The following DHRSX variants were observed in gnomAD, a reference collection of about 807,000 sequenced individuals.
The protein encoded by DHRSX is dehydrogenase/reductase X-linked.
A neutral mutation model predicts 34.0 loss-of-function variants in DHRSX; 31 were observed. The ratio of observed to expected loss-of-function variants is 0.91; its 90% CI spans 0.69 to 1.23. The LOEUF is 1.23. Ranked by LOEUF, DHRSX falls within the 50% of genes most tolerant of loss-of-function variation. The pLI is 0.00. For missense variants in DHRSX, 414 were observed against 428.1 expected (o/e 0.97, Z 0.29); for synonymous variants, 201 against 183.8 (o/e 1.09, Z -0.76).
intron 1 of DHRSX, among the ~76,000 whole-genome samples, chrX:2,473,396 G>A (rs1335311105): frequency 6.6e-6 from 1 of 152,134 alleles, no homozygotes; most frequent in Non-Finnish European, 1.5e-5. Flanking sequence ...GGCCGAGGCG[G>A]ATGGATCACC....
intron 4 of DHRSX, among the ~76,000 whole-genome samples, chrX:2,283,985 C>T (rs1488318169): frequency 4.4e-5 from 2 of 45,012 alleles, no homozygotes; most frequent in Non-Finnish European, 8.8e-5. Flanking sequence ...TTTGAATTCA[C>T]TCATTCCTTT....
At chrX:2,483,353 T>C (rs953118926) in intron 1 of DHRSX, among the ~76,000 whole-genome samples, 2 of 152,104 alleles carry the variant, frequency 1.3e-5, no homozygotes, top group African/African-American at 4.8e-5. Context: ...AGCCTCCAAC[T>C]CCCAAGCTCA....
At chrX:2,419,285 C>T (rs2043740684) in intron 2 of DHRSX, among the ~76,000 whole-genome samples, 1 of 152,092 alleles carries the variant, frequency 6.6e-6, no homozygotes, top group Non-Finnish European at 1.5e-5. Context: ...AGAAAGTGGC[C>T]ATCCACAACC....
chrX:2,255,296 T>C (rs1027044618), intron 5 of DHRSX, among the ~76,000 whole-genome samples: 15 of 152,262 alleles, frequency 9.9e-5, no homozygotes, highest in African/African-American at 3.6e-4. Context: ...CCTGATACTT[T>C]CGCTCATAGA....
chrX:2,434,763 A>G (rs2043973002), intron 1 of DHRSX, among the ~76,000 whole-genome samples: 1 of 152,230 alleles, frequency 6.6e-6, no homozygotes, highest in Non-Finnish European at 1.5e-5. Flanking sequence ...ACTCCCACAC[A>G]TATGCTAAGA....
intron 3 of DHRSX, among the ~76,000 whole-genome samples, chrX:2,331,447 T>G (rs1320735869): frequency 1.2e-4 from 12 of 97,274 alleles, no homozygotes; most frequent in East Asian, 2.3e-4. Flanking sequence ...TTTTTTTTTT[T>G]TTTTTTTTTT....
chrX:2,312,717 A>T (rs180939849), intron 3 of DHRSX, among the ~76,000 whole-genome samples: 25 of 142,286 alleles, frequency 1.8e-4, no homozygotes, highest in African/African-American at 3.9e-4. Context: ...AAGTATAATT[A>T]AAAAAAATAA....
At chrX:2,396,697 C>T (rs1468978811) in intron 3 of DHRSX, among the ~76,000 whole-genome samples, 1 of 151,772 alleles carries the variant, frequency 6.6e-6, no homozygotes, top group Non-Finnish European at 1.5e-5. Flanking sequence ...CTTCCAGCTC[C>T]TGGTATCCCT....
chrX:2,289,652 T>G (rs1282721842), intron 4 of DHRSX, among the ~76,000 whole-genome samples: 4 of 151,806 alleles, frequency 2.6e-5, no homozygotes, highest in Non-Finnish European at 5.9e-5. Flanking sequence ...TCGTGTAGGA[T>G]CTCCACAGTG....
intron 5 of DHRSX, among the ~76,000 whole-genome samples, chrX:2,258,394 T>A (rs900793656): frequency 6.6e-6 from 1 of 151,874 alleles, no homozygotes; most frequent in Non-Finnish European, 1.5e-5. Flanking sequence ...TCCAGGACTG[T>A]GAGAGAATAA....
chrX:2,353,951 G>C (rs1271368430), intron 3 of DHRSX, among the ~76,000 whole-genome samples: 1 of 152,050 alleles, frequency 6.6e-6, no homozygotes, highest in African/African-American at 2.4e-5. Context: ...GAGTACCAGT[G>C]GGATACCAGG....
chrX:2,293,291 G>T (rs1341095433), intron 3 of DHRSX, among the ~76,000 whole-genome samples: 1 of 149,912 alleles, frequency 6.7e-6, no homozygotes, highest in Non-Finnish European at 1.5e-5. Context: ...TGAGGTTTTG[G>T]AGGGAGAGGA....
chrX:2,348,945 C>T (rs946470238), intron 3 of DHRSX, among the ~76,000 whole-genome samples: 2 of 152,060 alleles, frequency 1.3e-5, no homozygotes, highest in African/African-American at 4.8e-5. Context: ...CCGCTTGCCT[C>T]AGCCTCCCAA....
chrX:2,480,359 T>G (rs1390648092), intron 1 of DHRSX, among the ~76,000 whole-genome samples: 1 of 148,822 alleles, frequency 6.7e-6, no homozygotes, highest in South Asian at 2.2e-4. Flanking sequence ...GGAAGAATGC[T>G]TCATGAAGTG....
At chrX:2,306,201 T>G (rs888935110) in intron 3 of DHRSX, among the ~76,000 whole-genome samples, 13 of 152,114 alleles carry the variant, frequency 8.5e-5, no homozygotes, top group Non-Finnish European at 1.9e-4. Flanking sequence ...TGCTCATTCT[T>G]GCAATCAGCA....
At chrX:2,366,396 C>T (rs1289363837) in intron 3 of DHRSX, among the ~76,000 whole-genome samples, 5 of 151,396 alleles carry the variant, frequency 3.3e-5, no homozygotes, top group East Asian at 1.9e-4. Flanking sequence ...GCCGAGACCA[C>T]GCCACTGCAC....
At chrX:2,262,321 C>G (rs1361668036) in intron 5 of DHRSX, among the ~76,000 whole-genome samples, 1 of 152,216 alleles carries the variant, frequency 6.6e-6, no homozygotes, top group East Asian at 1.9e-4. Flanking sequence ...AATGCCCCAG[C>G]CAGCATACAC....
intron 3 of DHRSX, among the ~76,000 whole-genome samples, chrX:2,308,026 T>C (rs2042121047): frequency 6.6e-6 from 1 of 152,036 alleles, no homozygotes; most frequent in East Asian, 1.9e-4. Flanking sequence ...TGAGATAGGT[T>C]TTTTCATTCC....
In DHRSX at chrX:2,353,584, A is replaced by ATTTTT. The variant is rs774278281; in HGVS notation, c.286+55156_286+55160dup. On this transcript the variant is annotated intron_variant, in intron 3 of 6. Coordinates refer to ENST00000334651, the MANE Select transcript of DHRSX (RefSeq NM_145177.3). ...TTAGGGAAGGATTATAGCTGATTGC[A>ATTTTT]TTTTTTTTTTTTTTTTGAGATGGAG... Among the ~76,000 whole-genome samples, 302 of 136,106 alleles carry ATTTTT rather than the reference A, an allele frequency of 2.2e-3. 6 individuals are homozygous for ATTTTT. Among genetic ancestry groups the ATTTTT allele is most frequent in the East Asian group, 9.1e-3 (43 of 4,732 alleles). 89.3% of individuals were successfully genotyped at this position (136,106 alleles called of 152,430 possible).
Sources: allele counts gnomAD v4.1 joint callset (sites outside exome capture counted in the v4.1 genomes callset), GRCh38; gene constraint gnomAD v4.1.1; transcripts MANE v1.5; gene names NCBI Gene and HGNC (gene_info 2026-07-23, HGNC 2026-07-21).